Variants in VRK2 observed in about 807,000 individuals in gnomAD.
VRK2 encodes the protein serine/threonine-protein kinase VRK2.
A neutral mutation model predicts 57.6 loss-of-function variants in VRK2; 60 were observed. The ratio of observed to expected loss-of-function variants is 1.04; its 90% CI spans 0.85 to 1.29. The LOEUF is 1.29. Among genes scored for constraint, VRK2 ranks in the 50% most tolerant of loss-of-function variants. The probability of loss-of-function intolerance (pLI) is 0.00; values close to 1 mark genes in which losing one functional copy is unlikely to be tolerated. For synonymous variants in VRK2, 231 were observed against 199.2 expected, an observed-to-expected ratio of 1.16 and a Z score of -1.35; for missense variants, 705 against 588.1, an observed-to-expected ratio of 1.20 and a Z score of -2.06.
At chr2:58,154,070 A>G (rs566248752) in intron 12 of VRK2, among the ~76,000 whole-genome samples, 168 of 152,130 alleles carry the variant, frequency 1.1e-3, no homozygotes, top group African/African-American at 3.9e-3. Context: ...TGAGCTATCA[A>G]ATTTTTGTTG....
At chr2:57,985,704 C>T (rs1518397) in intron 1 of VRK2, among the ~76,000 whole-genome samples, 18,517 of 151,934 alleles carry the variant, frequency 0.12, 1,207 homozygotes, top group East Asian at 0.19. Flanking sequence ...GTCATAGCTT[C>T]AGTAGGCAAG....
At chr2:58,074,668 TAAAA>T (rs567668960) in intron 2 of VRK2, among the ~76,000 whole-genome samples, 1 of 152,082 alleles carries the variant, frequency 6.6e-6, no homozygotes, top group Non-Finnish European at 1.5e-5. Flanking sequence ...CCAATTAAAA[TAAAA>T]AAATAAGCTT....
Position 57,942,442 on chromosome 2 carries a change from T to C in VRK2, c.-439+34603T>C, listed in dbSNP as rs573465468. The stretch of plus-strand genomic sequence containing the variant: ...CTTTCTTGCACCTGTGAGTCTCTGT[T>C]TTGCATATGTAAGTAGGTCCCTGTT... On this transcript the variant is annotated intron_variant, in intron 1 of 15. Coordinates refer to the VRK2 transcript ENST00000417641. Among the ~76,000 whole-genome samples, 17 of 152,280 alleles carry C rather than the reference T, an allele frequency of 1.1e-4. 1 individual carries two copies. The South Asian group carries it at 3.5e-3, about 32-fold the overall frequency.
chr2:58,064,599 A>G (rs535577108), intron 2 of VRK2, among the ~76,000 whole-genome samples: 5 of 152,130 alleles, frequency 3.3e-5, no homozygotes, highest in Non-Finnish European at 7.4e-5. Flanking sequence ...AATTCACACT[A>G]CTTGCTTCAT....
intron 1 of VRK2, among the ~76,000 whole-genome samples, chr2:57,956,837 C>T (rs1671601346): frequency 6.6e-6 from 1 of 152,116 alleles, no homozygotes; most frequent in African/African-American, 2.4e-5. Context: ...TATTAAAACA[C>T]AGTTTTAAAA....
At position 58,114,318 on chromosome 2, in the gene VRK2, T is replaced by C. The variant is rs550600038; in HGVS notation, c.544-8783T>C. Among the ~76,000 whole-genome samples, 25 of 151,946 alleles carry C rather than the reference T, an allele frequency of 1.6e-4. No individual in the cohort carries two copies. In the East Asian group the frequency reaches 4.8e-3, roughly 29 times the overall value. On this transcript the variant is annotated intron_variant, in intron 7 of 12. Coordinates refer to ENST00000340157, the MANE Select transcript of VRK2 (RefSeq NM_006296.7). ...TAGCACCAGGAGATACCAGCTGTGATGGCTTGGAGAAACAGTGTAAACCAG... is the reference window on the plus strand; with the variant it reads ...TAGCACCAGGAGATACCAGCTGTGACGGCTTGGAGAAACAGTGTAAACCAG...
intron 1 of VRK2, among the ~76,000 whole-genome samples, chr2:57,965,202 G>A (rs927769311): frequency 2.0e-5 from 3 of 152,130 alleles, no homozygotes; most frequent in South Asian, 2.1e-4. Context: ...ATTAGATTGG[G>A]TATTTACAAA....
intron 2 of VRK2, chr2:58,058,406 C>T: frequency 2.1e-6 from 1 of 470,312 alleles, no homozygotes; most frequent in Non-Finnish European, 4.4e-6. Flanking sequence ...AGGCAGCTTC[C>T]CGCAAATTTA....
At chr2:58,113,935 G>T (rs1280313916) in intron 7 of VRK2, among the ~76,000 whole-genome samples, 1 of 152,036 alleles carries the variant, frequency 6.6e-6, no homozygotes, top group Non-Finnish European at 1.5e-5. Context: ...AAATTTTTGG[G>T]GGTGGTATGG....
chr2:57,958,920 A>G (rs762510111), intron 1 of VRK2, among the ~76,000 whole-genome samples: 16 of 152,176 alleles, frequency 1.1e-4, no homozygotes, highest in Non-Finnish European at 1.9e-4. Flanking sequence ...AGGCCACCAT[A>G]GTATTAGTTG....
chr2:58,133,469 A>T (rs1679511989), intron 9 of VRK2, among the ~76,000 whole-genome samples: 2 of 152,188 alleles, frequency 1.3e-5, no homozygotes, highest in Non-Finnish European at 2.9e-5. Context: ...TAATTTATTC[A>T]ACTTGCTGAG....
At chr2:58,139,971 C>G in intron 11 of VRK2, 139 bp downstream of exon 11, 1 of 872,846 alleles carries the variant, frequency 1.1e-6, no homozygotes, top group Non-Finnish European at 1.7e-6. Context: ...TAACTCAGCA[C>G]CAAGAAAGTT....
At chr2:58,040,875 G>A (rs1674428215) in intron 3 of VRK2, among the ~76,000 whole-genome samples, 1 of 152,208 alleles carries the variant, frequency 6.6e-6, no homozygotes, top group Non-Finnish European at 1.5e-5. Context: ...CTTAGAGGAT[G>A]TTGTTGCAAT....
At chr2:58,063,510 A>C (rs928827502) in intron 2 of VRK2, among the ~76,000 whole-genome samples, 1 of 152,028 alleles carries the variant, frequency 6.6e-6, no homozygotes, top group Non-Finnish European at 1.5e-5. Context: ...ATTTGCATGA[A>C]TAATAGAGTT....
chr2:58,132,074 A>G (rs1679289359), intron 9 of VRK2, 146 bp downstream of exon 9: 1 of 940,876 alleles, frequency 1.1e-6, no homozygotes, highest in Admixed American at 3.4e-5. Flanking sequence ...GTTTTAAAAA[A>G]ACCAAACAAC....
chr2:57,954,067 C>A (rs957919300), intron 1 of VRK2, among the ~76,000 whole-genome samples: 6 of 152,124 alleles, frequency 3.9e-5, no homozygotes, highest in African/African-American at 1.2e-4. Context: ...AACACTGTAG[C>A]CCCTTGGTAA....
intron 1 of VRK2, among the ~76,000 whole-genome samples, chr2:57,930,366 T>G (rs1439333154): frequency 6.6e-6 from 1 of 152,122 alleles, no homozygotes; most frequent in Non-Finnish European, 1.5e-5. Flanking sequence ...AATGCAAAAT[T>G]CCACAATCAC....
intron 7 of VRK2, among the ~76,000 whole-genome samples, chr2:58,119,828 A>G (rs2104468450): frequency 6.6e-6 from 1 of 151,854 alleles, no homozygotes; most frequent in East Asian, 1.9e-4. Flanking sequence ...AAGCTAGTGG[A>G]TAAAAGTCCA....
At chr2:58,009,557 T>TTG (rs1157243143) in intron 1 of VRK2, among the ~76,000 whole-genome samples, 1 of 150,108 alleles carries the variant, frequency 6.7e-6, no homozygotes, top group Non-Finnish European at 1.5e-5. Context: ...ATCAATCATT[T>TTG]TGTTTTCACC....
Sources: gnomAD v4.1 joint callset for allele counts (sites outside exome capture counted in the v4.1 genomes callset) on GRCh38, gnomAD v4.1.1 for gene constraint, MANE v1.5 for transcripts, NCBI Gene and HGNC (gene_info 2026-07-23, HGNC 2026-07-21) for gene names.